Variants in ELP4 observed in about 807,000 individuals in gnomAD.
The protein encoded by ELP4 is elongator complex protein 4.
In ELP4, 51 loss-of-function variants were observed where a neutral mutation model predicts 48.9. That is an observed-to-expected ratio of 1.04 (90% CI 0.83 to 1.32). The LOEUF is 1.32. ELP4 is among the 40% of genes most tolerant of loss of function. The pLI, the probability that ELP4 is intolerant of heterozygous loss-of-function variation, is 0.00. For synonymous variants in ELP4, 210 were observed against 189.2 expected (o/e 1.11, Z -0.90); for missense variants, 519 against 514.6 (o/e 1.01, Z -0.08).
At chr11:31,644,852 TAC>T (rs1467072186) in intron 7 of ELP4, among the ~76,000 whole-genome samples, 27 of 151,908 alleles carry the variant, frequency 1.8e-4, no homozygotes, top group Admixed American at 5.3e-4. Context: ...TTTATGCTCC[TAC>T]ACATAACTAG....
chr11:31,735,176 C>T (rs559657220), intron 9 of ELP4, among the ~76,000 whole-genome samples: 115 of 140,358 alleles, frequency 8.2e-4, no homozygotes, highest in Middle Eastern at 3.8e-3. Flanking sequence ...AAAAAAAACA[C>T]GCACAAAAAA....
At chr11:31,575,076 A>G (rs967696406) in intron 3 of ELP4, among the ~76,000 whole-genome samples, 1 of 152,250 alleles carries the variant, frequency 6.6e-6, no homozygotes, top group African/African-American at 2.4e-5. Context: ...TAGAATAAAC[A>G]GTGTAGAGAA....
At chr11:31,602,275 T>C (rs1279528976) in intron 4 of ELP4, among the ~76,000 whole-genome samples, 1 of 152,052 alleles carries the variant, frequency 6.6e-6, no homozygotes, top group Non-Finnish European at 1.5e-5. Context: ...AAAGAATAGA[T>C]TATAGGCCAA....
chr11:31,699,052 A>G (rs1302625793), intron 9 of ELP4, among the ~76,000 whole-genome samples: 3 of 152,202 alleles, frequency 2.0e-5, no homozygotes, highest in African/African-American at 7.2e-5. Flanking sequence ...ATGTATCTGT[A>G]TGTGAGTTTA....
Position 31,591,392 on chromosome 11 carries a change from C to T in ELP4, c.382-3378C>T, listed in dbSNP as rs190536806. On this transcript the variant is annotated intron_variant, in intron 3 of 9. Coordinates refer to ENST00000640961, the MANE Select transcript of ELP4 (RefSeq NM_019040.5). ...CTGCACTCCAGCCTGGGTGACAGAG[C>T]GAGACTCCATCTCAAAAAAAAAAAA... Among the ~76,000 whole-genome samples, 1,050 of 108,026 alleles carry T rather than the reference C, an allele frequency of 9.7e-3. 18 individuals are homozygous for T. Among genetic ancestry groups the T allele is most frequent in the Admixed American group, 0.053 (371 of 6,988 alleles). 70.9% of individuals were successfully genotyped at this position (108,026 alleles called of 152,430 possible).
In ELP4 at chr11:31,623,378, T is replaced by TAA. The variant is rs1489778900; in HGVS notation, c.654-3731_654-3730insAA. On this transcript the variant is annotated intron_variant, in intron 5 of 9. Coordinates refer to ENST00000640961, the MANE Select transcript of ELP4 (RefSeq NM_019040.5). ...AAATATATATATATATATATATATA[T>TAA]ATATATATATATAAAACTAGAAACA... 4.6e-4 allele frequency among the ~76,000 whole-genome samples: 29 copies of TAA among 63,356 alleles called. 3 individuals are homozygous for TAA. Among genetic ancestry groups the TAA allele is most frequent in the African/African-American group, 2.0e-3 (22 of 10,928 alleles). 41.6% of individuals were successfully genotyped at this position (63,356 alleles called of 152,430 possible). A position where few individuals can be genotyped will look rare whatever the true frequency, so the allele number is the denominator to read the frequency against.
intron 9 of ELP4, among the ~76,000 whole-genome samples, chr11:31,751,246 A>G (rs531632500): frequency 1.5e-4 from 23 of 152,370 alleles, no homozygotes; most frequent in Middle Eastern, 3.4e-3. Context: ...CCAAGAACAA[A>G]GCCTAAAGTT....
At chr11:31,736,909 C>T (rs1247439841) in intron 9 of ELP4, among the ~76,000 whole-genome samples, 11 of 152,184 alleles carry the variant, frequency 7.2e-5, no homozygotes, top group Non-Finnish European at 1.3e-4. Flanking sequence ...GTCAGTGTGG[C>T]GATTCCTTAG....
intron 9 of ELP4, among the ~76,000 whole-genome samples, chr11:31,758,212 A>G (rs1947871533): frequency 6.6e-6 from 1 of 152,156 alleles, no homozygotes; most frequent in Non-Finnish European, 1.5e-5. Context: ...TCAACTTCTA[A>G]TTTCAGAGCG....
At chr11:31,741,627 G>A (rs1947453281) in intron 9 of ELP4, among the ~76,000 whole-genome samples, 1 of 152,188 alleles carries the variant, frequency 6.6e-6, no homozygotes, top group Non-Finnish European at 1.5e-5. Flanking sequence ...CTGATACCCA[G>A]GCAAACAGGG....
At chr11:31,600,883 C>A (rs538137812) in intron 4 of ELP4, among the ~76,000 whole-genome samples, 1 of 152,074 alleles carries the variant, frequency 6.6e-6, no homozygotes, top group African/African-American at 2.4e-5. Context: ...AAGTAGAGTA[C>A]GGTATTTTTT....
chr11:31,667,805 T>C (rs980522854), intron 9 of ELP4, among the ~76,000 whole-genome samples: 3 of 152,154 alleles, frequency 2.0e-5, no homozygotes, highest in Non-Finnish European at 4.4e-5. Context: ...TAAATGAAAA[T>C]GTCTAACTTA....
At chr11:31,564,433 G>C (rs1402158859) in intron 3 of ELP4, among the ~76,000 whole-genome samples, 4 of 151,288 alleles carry the variant, frequency 2.6e-5, no homozygotes, top group Non-Finnish European at 5.9e-5. Flanking sequence ...ACAACGTGCA[G>C]GTTTGTTACA....
At chr11:31,603,413 T>C (rs1386860222) in intron 4 of ELP4, among the ~76,000 whole-genome samples, 1 of 151,810 alleles carries the variant, frequency 6.6e-6, no homozygotes, top group Non-Finnish European at 1.5e-5. Flanking sequence ...TAATTTGTCA[T>C]TAAAACCTAG....
At chr11:31,745,869 A>G (rs925613064) in intron 9 of ELP4, among the ~76,000 whole-genome samples, 3 of 152,362 alleles carry the variant, frequency 2.0e-5, no homozygotes, top group African/African-American at 7.2e-5. Flanking sequence ...AGCAATGGCA[A>G]CAAAAGCCAA....
At chr11:31,604,801 A>T (rs1957843658) in intron 5 of ELP4, among the ~76,000 whole-genome samples, 1 of 151,938 alleles carries the variant, frequency 6.6e-6, no homozygotes, top group Admixed American at 6.6e-5. Context: ...TGTTCACTTT[A>T]TTATGGAGTT....
chr11:31,613,482 T>C (rs1645598762), intron 5 of ELP4, among the ~76,000 whole-genome samples: 1 of 152,078 alleles, frequency 6.6e-6, no homozygotes, highest in South Asian at 2.1e-4. Context: ...TTACATTTGT[T>C]TATTGGTAAA....
chr11:31,750,010 C>T (rs1352769036), intron 9 of ELP4, among the ~76,000 whole-genome samples: 3 of 151,944 alleles, frequency 2.0e-5, no homozygotes, highest in Non-Finnish European at 2.9e-5. Context: ...TGCCCACCAC[C>T]GTGCCCAGCT....
chr11:31,580,661 C>G (rs935462411), intron 3 of ELP4: 2 of 154,638 alleles, frequency 1.3e-5, no homozygotes, highest in African/African-American at 4.8e-5. Flanking sequence ...TAACTTTCTT[C>G]TTTTGTTTGT....
Sources: allele counts gnomAD v4.1 joint callset (sites outside exome capture counted in the v4.1 genomes callset), GRCh38; gene constraint gnomAD v4.1.1; transcripts MANE v1.5; gene names NCBI Gene and HGNC (gene_info 2026-07-23, HGNC 2026-07-21).